The following MYH2 variants were observed in gnomAD, a reference collection of about 807,000 sequenced individuals.
The protein encoded by MYH2 is myosin heavy chain 2, also known as myosin-2.
In MYH2, 139 loss-of-function variants were observed where a neutral mutation model predicts 228.1. The observed-to-expected ratio is 0.61, with a 90% CI of 0.53 to 0.70. The LOEUF (loss-of-function observed/expected upper bound fraction) is 0.70. MYH2 is among the 30% of genes least tolerant of loss of function. The pLI, the probability that MYH2 is intolerant of heterozygous loss-of-function variation, is 0.00. For synonymous variants in MYH2, 796 were observed against 871.1 expected (o/e 0.91, Z 1.52); for missense variants, 1,809 against 2,357.5 (o/e 0.77, Z 4.82).
At position 10,526,771 on chromosome 17, in the gene MYH2, G is replaced by C; in HGVS notation, c.4015C>G (p.Leu1339Val). The C allele has an allele frequency of 6.2e-7, 1 of 1,614,250 alleles. No homozygotes were observed. The highest frequency in any genetic ancestry group is 1.1e-5 in the South Asian group (1 of 91,090). Reference protein sequence around the residue: ...IKAKNALAHALQSSRHDCDLL... With the variant: ...IKAKNALAHAVQSSRHDCDLL... The stretch of plus-strand genomic sequence containing the variant: ...TCACAGTCGTGGCGGGAAGACTGCA[G>C]GGCATGCGCCAGGGCGTTCTTGGCC... Residue 1339 changes from leucine to valine, a missense_variant, in exon 30 of 40, where the codon CTG (leucine) becomes GTG (valine). By Grantham distance (32) the Leu-to-Val change is conservative. Coordinates refer to ENST00000245503, the MANE Select transcript of MYH2 (RefSeq NM_017534.6).
chr17:10,521,229 G>T lies in MYH2; in HGVS notation c.*51C>A, dbSNP rs2286357. 1,845 of 1,599,416 alleles carry T rather than the reference G, an allele frequency of 1.2e-3. 22 individuals are homozygous for T. The East Asian group carries it at 0.028, about 24-fold the overall frequency. ...ATAATTACAGAGGGAAATGACCAAAGATGTCACATTTTGTGCCTGTCTTCA... is the reference window on the plus strand; with the variant it reads ...ATAATTACAGAGGGAAATGACCAAATATGTCACATTTTGTGCCTGTCTTCA... On this transcript the variant is annotated 3_prime_UTR_variant, in exon 40 of 40. Transcript: ENST00000245503.
chr17:10,537,094 A>T lies in MYH2; in HGVS notation c.1897+139T>A. 1.7e-6 allele frequency: 2 copies of T among 1,147,160 alleles called. No individual in the cohort carries two copies. Among genetic ancestry groups the T allele is most frequent in the Non-Finnish European group, 1.3e-6 (1 of 772,450 alleles). 71.1% of individuals were successfully genotyped at this position (1,147,160 alleles called of 1,614,324 possible). A position where few individuals can be genotyped will look rare whatever the true frequency, so the allele number is the denominator to read the frequency against. On this transcript the variant is annotated intron_variant, in intron 16 of 39. Transcript: ENST00000245503. This position sits in a 1 kb window ranked among gnomAD's most constrained non-coding sequence, Gnocchi z 4.0. ...AGTGAGCCACAAATGTATAATTACA[A>T]GGCTGCCTATCTATTCAATACTTGG... is the stretch of plus-strand genomic sequence containing the variant.
intron 21 of MYH2, among the ~76,000 whole-genome samples, chr17:10,532,112 G>T (rs2073432087): frequency 6.6e-6 from 1 of 152,148 alleles, no homozygotes; most frequent in South Asian, 2.1e-4. Context: ...CACCTGAAGG[G>T]CTTGTTAAAA....
At chr17:10,522,640 G>T (rs1235377318) in intron 39 of MYH2, among the ~76,000 whole-genome samples, 1 of 151,900 alleles carries the variant, frequency 6.6e-6, no homozygotes, top group Non-Finnish European at 1.5e-5. Flanking sequence ...CAATGAATTA[G>T]CCTCCTAGCA....
At chr17:10,534,287 G>A (rs973147978) in intron 19 of MYH2, among the ~76,000 whole-genome samples, 7 of 152,130 alleles carry the variant, frequency 4.6e-5, no homozygotes, top group East Asian at 1.9e-4. Context: ...AGAAAAAGAC[G>A]AACATAGATG....
At chr17:10,522,072 T>C (rs1424216043) in intron 39 of MYH2, among the ~76,000 whole-genome samples, 1 of 152,214 alleles carries the variant, frequency 6.6e-6, no homozygotes, top group African/African-American at 2.4e-5. Context: ...TTTTTCTCCC[T>C]CTGTCCTCTC....
chr17:10,522,779 T>C (rs913324510), intron 39 of MYH2, among the ~76,000 whole-genome samples: 5 of 152,266 alleles, frequency 3.3e-5, no homozygotes, highest in Middle Eastern at 3.4e-3. Context: ...AGAAAGTTAG[T>C]TTTTTTAATA....
In MYH2 at chr17:10,529,242, C is replaced by A; in HGVS notation, c.3274G>T (p.Glu1092Ter). The change falls in exon 26 of 40, where the codon GAA becomes TAA. Residue 1092 changes from glutamate to a stop codon, truncating the protein, a stop_gained. Coordinates refer to ENST00000245503, the MANE Select transcript of MYH2 (RefSeq NM_017534.6). LOFTEE classifies it high-confidence loss of function. ...ATCTTGCTTTGCAGATTGCTGATTTCAAACTCTTTCCTTTTAGAAAAGTAG... is the reference window on the plus strand; with the variant it reads ...ATCTTGCTTTGCAGATTGCTGATTTAAAACTCTTTCCTTTTAGAAAAGTAG... ...LDEKLKKKEF[E>*]ISNLQSKIED... is the part of the protein sequence containing the mutation. The A allele has an allele frequency of 6.2e-7, 1 of 1,614,192 alleles. No individual in the cohort carries two copies. The highest frequency in any genetic ancestry group is 8.5e-7 in the Non-Finnish European group (1 of 1,180,034).
intron 27 of MYH2, 73 bp from the exon 28 acceptor site, chr17:10,527,947 A>G (rs565484741): frequency 6.5e-7 from 1 of 1,533,392 alleles, no homozygotes; most frequent in East Asian, 2.2e-5. Context: ...CAGTTACTGT[A>G]ACTTCTCCCC....
rs2073346965 is a variant in MYH2, at chr17:10,525,928, G to A, written c.4188-52C>T. On this transcript the variant is annotated intron_variant, in intron 30 of 39. Transcript: ENST00000245503. The surrounding 1 kb of genome is among the most constrained non-coding windows in gnomAD (Gnocchi z 4.2). ...AGAAGTGAACCATAATATGAATTATGAGCTATTGCCACACACGCTGAAGAG... is the reference window on the plus strand; with the variant it reads ...AGAAGTGAACCATAATATGAATTATAAGCTATTGCCACACACGCTGAAGAG... The A allele has an allele frequency of 1.3e-6, 2 of 1,581,926 alleles. No individual in the cohort carries two copies. Among genetic ancestry groups the A allele is most frequent in the Admixed American group, 1.7e-5 (1 of 58,796 alleles).
At chr17:10,544,761 G>A (rs1309241595) in intron 5 of MYH2, among the ~76,000 whole-genome samples, 2 of 152,174 alleles carry the variant, frequency 1.3e-5, no homozygotes, top group African/African-American at 2.4e-5. Context: ...GATTGGTCTA[G>A]CCAAGACAAT....
chr17:10,526,589 G>T lies in MYH2; in HGVS notation c.4187+10C>A. On this transcript the variant is annotated intron_variant, in intron 30 of 39. Transcript: ENST00000245503. ...GTTTTCTGCTCATTCTCTCATATCTGTGCACATACTTGGCCTCCTCCAGCT... is the reference window on the plus strand; with the variant it reads ...GTTTTCTGCTCATTCTCTCATATCTTTGCACATACTTGGCCTCCTCCAGCT... 2 of 1,613,976 alleles carry T rather than the reference G, an allele frequency of 1.2e-6. No homozygotes were observed. Among genetic ancestry groups the T allele is most frequent in the Non-Finnish European group, 1.7e-6 (2 of 1,179,850 alleles).
intron 39 of MYH2, among the ~76,000 whole-genome samples, chr17:10,522,614 A>G (rs1029842955): frequency 5.3e-5 from 8 of 152,014 alleles, no homozygotes; most frequent in South Asian, 2.1e-4. Flanking sequence ...TTGGTTCATA[A>G]TGAAAGCATT....
chr17:10,547,909 G>A lies in MYH2; in HGVS notation c.12C>T (p.Asp4=), dbSNP rs2073656322. The change falls in exon 3 of 40, where the codon GAC becomes GAT. Residue 4 remains aspartate, a synonymous_variant. Coordinates refer to ENST00000245503, the MANE Select transcript of MYH2 (RefSeq NM_017534.6). ...CCTCCCCAAAAACAGCCAATTCTGAGTCTGAACTCATGGCTGCTGAACTCA... is the reference window on the plus strand; with the variant it reads ...CCTCCCCAAAAACAGCCAATTCTGAATCTGAACTCATGGCTGCTGAACTCA... MSS[D]SELAVFGEAA... The A allele has an allele frequency of 6.2e-7, 1 of 1,614,184 alleles. No homozygotes were observed. Among genetic ancestry groups the A allele is most frequent in the African/African-American group, 1.3e-5 (1 of 75,052 alleles).
chr17:10,528,620 T>G, intron 27 of MYH2, 70 bp downstream of exon 27: 4 of 1,609,200 alleles, frequency 2.5e-6, no homozygotes, highest in Non-Finnish European at 3.4e-6. Context: ...GTGTAAAAAG[T>G]GCCCTGTGCA....
chr17:10,526,624 G>T lies in MYH2; in HGVS notation c.4162C>A (p.Arg1388Ser). ...TTGGCCTCCTCCAGCTCCTCTGTGC[G>T]CTGGATGGCGTCCGTCTCGTATTTG... ...RTKYETDAIQ[R>S]TEELEEAKKK... Residue 1388 changes from arginine (R) to serine (S), a missense_variant, in exon 30 of 40, where the codon CGC (arginine) becomes AGC (serine). By Grantham distance (110) the Arg-to-Ser change is moderately radical. This residue lies in a region of MYH2 where 636 missense variants were observed against 729.9 expected (regional missense o/e 0.87). Coordinates refer to ENST00000245503, the MANE Select transcript of MYH2 (RefSeq NM_017534.6). 1 of 1,613,958 alleles carries T rather than the reference G, an allele frequency of 6.2e-7. No homozygotes were observed. The highest frequency in any genetic ancestry group is 1.7e-4 in the Middle Eastern group (1 of 6,054).
intron 16 of MYH2, 86 bp from the exon 17 acceptor site, chr17:10,536,692 G>A: frequency 2.3e-6 from 3 of 1,305,918 alleles, no homozygotes; most frequent in Non-Finnish European, 3.3e-6. Flanking sequence ...TTCATCGAGT[G>A]GAGCCTTTTT....
At chr17:10,527,647 G>GT in intron 28 of MYH2, 101 bp downstream of exon 28, 1 of 1,567,518 alleles carries the variant, frequency 6.4e-7, no homozygotes, top group Non-Finnish European at 8.7e-7. Flanking sequence ...AATCAGACAT[G>GT]TTCTCAGCTG....
At chr17:10,536,163 TC>T (rs1404436018) in intron 17 of MYH2, among the ~76,000 whole-genome samples, 1 of 152,212 alleles carries the variant, frequency 6.6e-6, no homozygotes, top group Non-Finnish European at 1.5e-5. Context: ...TCTAAACTAC[TC>T]ATGGAATGAT....
Sources: allele counts gnomAD v4.1 joint callset (sites outside exome capture counted in the v4.1 genomes callset), GRCh38; gene constraint gnomAD v4.1.1; regional missense constraint gnomAD v4.1.1; non-coding constraint Gnocchi (gnomAD v3.1); transcripts MANE v1.5; gene names NCBI Gene and HGNC (gene_info 2026-07-23, HGNC 2026-07-21).